The following TRPM1 variants were observed in gnomAD, a reference collection of about 807,000 sequenced individuals.
TRPM1 encodes TRPM1-203 APA Isoform, Intron 10.
Under a neutral mutation model 149.4 loss-of-function variants are expected in TRPM1, and 113 were observed. The ratio of observed to expected loss-of-function variants is 0.76; its 90% CI spans 0.65 to 0.88. The LOEUF (loss-of-function observed/expected upper bound fraction) is 0.88, where lower values mean the gene tolerates loss of function less well. Among genes scored for constraint, TRPM1 ranks in the 40% least tolerant of loss-of-function variants. TRPM1 has a pLI of 0.00. For missense variants in TRPM1, 1,976 were observed against 2,038.7 expected, an observed-to-expected ratio of 0.97 and a Z score of 0.59; for synonymous variants, 741 against 759.5, an observed-to-expected ratio of 0.98 and a Z score of 0.40.
intron 1 of TRPM1, among the ~76,000 whole-genome samples, chr15:31,093,511 G>A (rs2035296441): frequency 1.3e-5 from 2 of 152,040 alleles, no homozygotes; most frequent in East Asian, 1.9e-4. Flanking sequence ...CTCGCTGAAA[G>A]AAATTAAAGA....
intron 1 of TRPM1, among the ~76,000 whole-genome samples, chr15:31,155,729 A>G (rs2036364326): frequency 6.6e-6 from 1 of 152,064 alleles, no homozygotes; most frequent in African/African-American, 2.4e-5. Flanking sequence ...GAGAGAATGA[A>G]CATTACTGAG....
intron 2 of TRPM1, among the ~76,000 whole-genome samples, chr15:31,078,187 G>C (rs2034761144): frequency 6.6e-6 from 1 of 152,178 alleles, no homozygotes; most frequent in African/African-American, 2.4e-5. Flanking sequence ...GGTGAGGCTT[G>C]GAGCTGGCCT....
At chr15:31,034,517 CA>C (rs1555420200) in intron 21 of TRPM1, among the ~76,000 whole-genome samples, 4 of 152,174 alleles carry the variant, frequency 2.6e-5, no homozygotes, top group South Asian at 2.1e-4. Context: ...AGGTGGGGCC[CA>C]AAGGTGAGAC....
chr15:31,028,074 A>G (rs2032870369), intron 25 of TRPM1, among the ~76,000 whole-genome samples: 1 of 152,212 alleles, frequency 6.6e-6, no homozygotes, highest in African/African-American at 2.4e-5. Flanking sequence ...AAATATTTTC[A>G]TTAGATTAAA....
At chr15:31,070,254 T>TGTCTAGTTTGGTATCTGGGTAGTA (rs754028602) in intron 3 of TRPM1, 28 bp from the exon 4 acceptor site, 2 of 1,590,132 alleles carry the variant, frequency 1.3e-6, no homozygotes, top group Non-Finnish European at 8.6e-7. Flanking sequence ...GCAGGGTCTT[T>TGTCTAGTTTGGTATCTGGGTAGTA]CTACAACAAT....
chr15:31,150,855 A>G (rs185685526), intron 1 of TRPM1, among the ~76,000 whole-genome samples: 8 of 152,314 alleles, frequency 5.3e-5, no homozygotes, highest in Admixed American at 3.9e-4. Context: ...TGACTTGCCC[A>G]GACATGCCTG....
rs116325491 is a variant in TRPM1, at chr15:31,124,419, G to A, written c.54+36487C>T. 4.6e-3 allele frequency among the ~76,000 whole-genome samples: 692 copies of A among 152,028 alleles called. 5 individuals are homozygous for A. Among genetic ancestry groups the A allele is most frequent in the African/African-American group, 0.016 (649 of 41,460 alleles). On this transcript the variant is annotated intron_variant, in intron 1 of 26. Coordinates refer to the TRPM1 transcript ENST00000542188. ...CTATAATCCCACCACTTTGGGAGGCGAAGTCAGGCAGATCGCATGAGGCCA... is the reference window on the plus strand; with the variant it reads ...CTATAATCCCACCACTTTGGGAGGCAAAGTCAGGCAGATCGCATGAGGCCA...
chr15:31,101,329 C>A (rs951184009), intron 1 of TRPM1, among the ~76,000 whole-genome samples: 1 of 152,300 alleles, frequency 6.6e-6, no homozygotes, highest in South Asian at 2.1e-4. Context: ...AGTACTTATC[C>A]CCTCTGTGAA....
At chr15:31,067,747 C>T (rs902508588) in intron 5 of TRPM1, 132 bp downstream of exon 5, 7 of 899,796 alleles carry the variant, frequency 7.8e-6, no homozygotes, top group Non-Finnish European at 1.2e-5. Context: ...GGAATAAAGA[C>T]TTCACTTTAG....
rs374200701 is a variant in TRPM1, at chr15:31,151,142, G to A, written c.54+9764C>T. 1.3e-4 allele frequency among the ~76,000 whole-genome samples: 20 copies of A among 152,218 alleles called. No individual in the cohort carries two copies. The East Asian group carries it at 1.5e-3, about 12-fold the overall frequency. ...CCCTCCAACCTCACCCTTTATGTCA[G>A]GCTCCTTAATCCTGTTGATCCTGAG... On this transcript the variant is annotated intron_variant, in intron 1 of 26. Coordinates refer to the TRPM1 transcript ENST00000542188.
chr15:31,075,932 A>G (rs2140975553), intron 3 of TRPM1, among the ~76,000 whole-genome samples: 1 of 149,612 alleles, frequency 6.7e-6, no homozygotes, highest in African/African-American at 2.5e-5. Context: ...TGCATCAAGG[A>G]GGCTTGTATG....
intron 1 of TRPM1, among the ~76,000 whole-genome samples, chr15:31,140,740 C>A (rs1049190804): frequency 6.6e-6 from 1 of 152,228 alleles, no homozygotes; most frequent in Non-Finnish European, 1.5e-5. Flanking sequence ...AAACAAACCT[C>A]TTTTCTTTAT....
chr15:31,106,634 C>T (rs2035610803), upstream of TRPM1, among the ~76,000 whole-genome samples: 1 of 152,116 alleles, frequency 6.6e-6, no homozygotes, highest in African/African-American at 2.4e-5. Context: ...CTTTTGACAG[C>T]TGTGTGGCCC....
intron 1 of TRPM1, among the ~76,000 whole-genome samples, chr15:31,115,428 C>A (rs1169347427): frequency 6.6e-6 from 1 of 152,048 alleles, no homozygotes; most frequent in East Asian, 1.9e-4. Flanking sequence ...CAGGGGCAAA[C>A]TGACACCCTG....
intron 1 of TRPM1, among the ~76,000 whole-genome samples, chr15:31,084,342 C>T (rs2034940544): frequency 6.6e-6 from 1 of 152,098 alleles, no homozygotes; most frequent in Non-Finnish European, 1.5e-5. Flanking sequence ...AGCCGGTACC[C>T]ATTAGCAGTC....
At chr15:31,035,815 C>A in intron 20 of TRPM1, 141 bp from the exon 21 acceptor site, 4 of 1,207,044 alleles carry the variant, frequency 3.3e-6, no homozygotes, top group Non-Finnish European at 4.8e-6. Flanking sequence ...GAAACCTTCA[C>A]TGCACCTCAC....
intron 1 of TRPM1, among the ~76,000 whole-genome samples, chr15:31,113,802 T>C (rs151211359): frequency 6.6e-6 from 1 of 152,254 alleles, no homozygotes; most frequent in East Asian, 1.9e-4. Context: ...GGACCCACAG[T>C]TAGCAACAGC....
intron 1 of TRPM1, among the ~76,000 whole-genome samples, chr15:31,129,315 G>A (rs2035989132): frequency 6.6e-6 from 1 of 152,182 alleles, no homozygotes; most frequent in African/African-American, 2.4e-5. Context: ...TGCTTACTGC[G>A]CAGATCTGTC....
chr15:31,069,687 G>C, intron 4 of TRPM1: 1 of 1,417,200 alleles, frequency 7.1e-7, no homozygotes, highest in Non-Finnish European at 9.2e-7. Flanking sequence ...CACATCTAAG[G>C]GGGCTGCAGG....
Sources: gnomAD v4.1 joint callset for allele counts (sites outside exome capture counted in the v4.1 genomes callset) on GRCh38, gnomAD v4.1.1 for gene constraint, MANE v1.5 for transcripts, NCBI Gene and HGNC (gene_info 2026-07-23, HGNC 2026-07-21) for gene names.